Variants in PTPRD observed in about 807,000 individuals in gnomAD.
The protein encoded by PTPRD is receptor-type tyrosine-protein phosphatase delta.
A neutral mutation model predicts 214.5 loss-of-function variants in PTPRD; 34 were observed. The ratio of observed to expected loss-of-function variants is 0.16; its 90% CI spans 0.12 to 0.21. The LOEUF is 0.21. Among genes scored for constraint, PTPRD ranks in the 10% least tolerant of loss-of-function variants. The pLI, the probability that PTPRD is intolerant of heterozygous loss-of-function variation, is 1.00. For synonymous variants in PTPRD, 1,128 were observed against 845.7 expected (o/e 1.33, Z -5.79); for missense variants, 2,545 against 2,398.7 (o/e 1.06, Z -1.27).
chr9:8,467,184 T>C lies in PTPRD; in HGVS notation c.3505-1509A>G, dbSNP rs7861037. ...TTGATGCAATTAAAATTACATGAAA[T>C]GTAAGCTGTTTTAGGAAAACCACGG... On this transcript the variant is annotated intron_variant, in intron 31 of 45. Coordinates refer to ENST00000381196, the MANE Select transcript of PTPRD (RefSeq NM_002839.4). 6.8e-3 allele frequency among the ~76,000 whole-genome samples: 1,038 copies of C among 152,032 alleles called. 11 individuals are homozygous for C. Among genetic ancestry groups the C allele is most frequent in the African/African-American group, 0.023 (975 of 41,524 alleles).
chr9:9,174,158 C>A (rs1333472863), intron 10 of PTPRD, among the ~76,000 whole-genome samples: 7 of 151,920 alleles, frequency 4.6e-5, no homozygotes, highest in African/African-American at 1.7e-4. Flanking sequence ...ACATTACCAA[C>A]AGGAAAAAAA....
chr9:9,475,961 A>C (rs1161937009), intron 8 of PTPRD, among the ~76,000 whole-genome samples: 12 of 152,144 alleles, frequency 7.9e-5, no homozygotes, highest in Admixed American at 5.2e-4. Flanking sequence ...TCTTAAATTA[A>C]AATCTTAGGT....
At chr9:10,152,318 G>A (rs1461663749) in intron 3 of PTPRD, among the ~76,000 whole-genome samples, 1 of 152,064 alleles carries the variant, frequency 6.6e-6, no homozygotes, top group East Asian at 1.9e-4. Flanking sequence ...TTATCTGTAT[G>A]TTTTTAGTTT....
Position 9,103,553 on chromosome 9 carries a change from A to C in PTPRD, c.-143+79751T>G, listed in dbSNP as rs544199438. 6.6e-5 allele frequency among the ~76,000 whole-genome samples: 10 copies of C among 152,324 alleles called. No homozygotes were observed. The South Asian group carries it at 2.1e-3, about 32-fold the overall frequency. ...CTAGTTCTTGGTTTCAATGTTGCAAAAATCTAAAGAAAAAAATTTAGCATA... is the reference window on the plus strand; with the variant it reads ...CTAGTTCTTGGTTTCAATGTTGCAACAATCTAAAGAAAAAAATTTAGCATA... On this transcript the variant is annotated intron_variant, in intron 10 of 45. Coordinates refer to ENST00000381196, the MANE Select transcript of PTPRD (RefSeq NM_002839.4).
At chr9:9,733,658 T>C (rs557480677) in intron 7 of PTPRD, among the ~76,000 whole-genome samples, 5 of 152,306 alleles carry the variant, frequency 3.3e-5, no homozygotes, top group Non-Finnish European at 7.4e-5. Context: ...AGTACAAGAT[T>C]GTATTTCTGC....
At chr9:8,519,016 C>T (rs140639265) in intron 20 of PTPRD, among the ~76,000 whole-genome samples, 14 of 152,064 alleles carry the variant, frequency 9.2e-5, no homozygotes, top group African/African-American at 3.1e-4. Context: ...AATTAAATTG[C>T]GATGAAACAA....
chr9:9,633,035 C>T (rs1407503786), intron 7 of PTPRD, among the ~76,000 whole-genome samples: 1 of 152,080 alleles, frequency 6.6e-6, no homozygotes, highest in African/African-American at 2.4e-5. Context: ...TGGTTCACGC[C>T]TATAATCCCA....
intron 45 of PTPRD, 118 bp from the exon 46 acceptor site, chr9:8,318,060 C>A (rs1823223918): frequency 2.3e-6 from 2 of 859,166 alleles, no homozygotes; most frequent in South Asian, 3.0e-5. Context: ...AAAATCACTA[C>A]TTTCGTCAAC....
At chr9:9,325,510 T>C (rs998614582) in intron 9 of PTPRD, among the ~76,000 whole-genome samples, 2 of 152,176 alleles carry the variant, frequency 1.3e-5, no homozygotes, top group South Asian at 2.1e-4. Flanking sequence ...TGTTGGTGTA[T>C]AGGAATGCTT....
intron 11 of PTPRD, among the ~76,000 whole-genome samples, chr9:8,741,007 C>T (rs1436469242): frequency 6.6e-6 from 1 of 152,096 alleles, no homozygotes; most frequent in Non-Finnish European, 1.5e-5. Flanking sequence ...AGCTATTATT[C>T]TGAGCTTTTT....
chr9:10,063,157 A>G (rs1180139735), intron 3 of PTPRD, among the ~76,000 whole-genome samples: 1 of 152,068 alleles, frequency 6.6e-6, no homozygotes, highest in Non-Finnish European at 1.5e-5. Context: ...ATGTTATTCT[A>G]TGTAACAAGG....
chr9:9,967,105 CAGTCAAGTTCTGT>C (rs1162891442), intron 4 of PTPRD, among the ~76,000 whole-genome samples: 1 of 152,134 alleles, frequency 6.6e-6, no homozygotes, highest in Non-Finnish European at 1.5e-5. Flanking sequence ...TATAATGTTT[CAGTCAAGTTCTGT>C]AGTCAGTCTG....
rs138863975 is a variant in PTPRD at position 8,341,948 on chromosome 9, G to C, written c.4692C>G (p.Ile1564Met). ...SAGVGRTGCFIVIDAMLERIK... is the reference protein window; with the variant it reads ...SAGVGRTGCFMVIDAMLERIK... ...TTCTTTCTAACATGGCATCTATGAC[G>C]ATGAAGCAACCAGTCCGGCCAACTC... is the stretch of plus-strand genomic sequence containing the variant. Residue 1564 changes from isoleucine (I) to methionine (M), a missense_variant, in exon 40 of 46, where the codon ATC becomes ATG. Transcript: ENST00000381196. 1 of 1,612,040 alleles carries C rather than the reference G, an allele frequency of 6.2e-7. No homozygotes were observed.
chr9:9,846,148 C>A (rs1270707783), intron 5 of PTPRD, among the ~76,000 whole-genome samples: 1 of 152,046 alleles, frequency 6.6e-6, no homozygotes, highest in Admixed American at 6.6e-5. Flanking sequence ...CTTCCTCCCT[C>A]CCCAAGCAAG....
At chr9:9,413,095 AGCT>A (rs2075964492) in intron 8 of PTPRD, among the ~76,000 whole-genome samples, 2 of 108,032 alleles carry the variant, frequency 1.9e-5, no homozygotes, top group Non-Finnish European at 3.6e-5. Flanking sequence ...AATATCTTGC[AGCT>A]TCTTTTTTTT....
intron 11 of PTPRD, among the ~76,000 whole-genome samples, chr9:8,939,716 G>A (rs2099019606): frequency 6.6e-6 from 1 of 152,066 alleles, no homozygotes; most frequent in Admixed American, 6.6e-5. Context: ...GACAGCTAAG[G>A]ATATTTTTAT....
rs542624631 is a variant in PTPRD, at chr9:10,372,010, G to A, written c.-599-30993C>T. Among the ~76,000 whole-genome samples the A allele has an allele frequency of 1.7e-3, 252 of 152,150 alleles. 1 individual carries two copies. Among genetic ancestry groups the A allele is most frequent in the African/African-American group, 5.9e-3 (244 of 41,546 alleles). On this transcript the variant is annotated intron_variant, in intron 2 of 45. Coordinates refer to ENST00000381196, the MANE Select transcript of PTPRD (RefSeq NM_002839.4). ...GCTAACAGCTATTTATCAACCACAT[G>A]CACAGTGGGGAGTAGGGCACAGACA...
intron 8 of PTPRD, among the ~76,000 whole-genome samples, chr9:9,429,520 A>T (rs1036801676): frequency 2.6e-5 from 4 of 152,228 alleles, no homozygotes; most frequent in Admixed American, 6.5e-5. Context: ...CAATCAGTAG[A>T]AAAAGAGGGA....
intron 10 of PTPRD, among the ~76,000 whole-genome samples, chr9:9,084,428 A>G (rs2099763968): frequency 6.6e-6 from 1 of 152,274 alleles, no homozygotes; most frequent in East Asian, 1.9e-4. Flanking sequence ...AGGGAGGGAT[A>G]GTATTAGCGG....
Sources: allele counts gnomAD v4.1 joint callset (sites outside exome capture counted in the v4.1 genomes callset), GRCh38; gene constraint gnomAD v4.1.1; transcripts MANE v1.5; gene names NCBI Gene and HGNC (gene_info 2026-07-23, HGNC 2026-07-21).